ARHGAP6: variants seen among roughly 807,000 people sequenced by gnomAD.
The protein encoded by ARHGAP6 is rho GTPase-activating protein 6.
ARHGAP6 carries 16 observed loss-of-function variants against 55.7 expected under a neutral mutation model. The ratio of observed to expected loss-of-function variants is 0.29; its 90% CI spans 0.19 to 0.44. ARHGAP6 has a LOEUF of 0.44. ARHGAP6 is among the 20% of genes least tolerant of loss of function. The probability of loss-of-function intolerance (pLI) is 1.00; values close to 1 mark genes in which losing one functional copy is unlikely to be tolerated. For missense variants in ARHGAP6, 698 were observed against 808.9 expected (o/e 0.86, Z 1.66); for synonymous variants, 382 against 360.9 (o/e 1.06, Z -0.66).
intron 1 of ARHGAP6, among the ~76,000 whole-genome samples, chrX:11,502,789 T>C (rs1033365829): frequency 8.9e-6 from 1 of 112,567 alleles, no homozygotes; most frequent in African/African-American, 3.2e-5. Flanking sequence ...ACATACAAAA[T>C]ACATGTTAAT....
At chrX:11,605,787 C>T (rs2052029611) in intron 1 of ARHGAP6, among the ~76,000 whole-genome samples, 1 of 109,648 alleles carries the variant, frequency 9.1e-6, no homozygotes, top group African/African-American at 3.3e-5. Flanking sequence ...CATCAGCCCC[C>T]AAAAAAGATG....
At chrX:11,485,213 G>T (rs2050499762) in intron 1 of ARHGAP6, among the ~76,000 whole-genome samples, 1 of 112,409 alleles carries the variant, frequency 8.9e-6, no homozygotes, top group Admixed American at 9.4e-5. Context: ...TCTAATGCAT[G>T]ACCACTGTTC....
At chrX:11,501,493 G>T (rs1007615571) in intron 1 of ARHGAP6, among the ~76,000 whole-genome samples, 6 of 111,542 alleles carry the variant, frequency 5.4e-5, no homozygotes, top group Admixed American at 2.9e-4. Context: ...CAAGCAGGTT[G>T]GAAAACTAAA....
intron 5 of ARHGAP6, among the ~76,000 whole-genome samples, chrX:11,183,498 C>G (rs756115105): frequency 8.9e-6 from 1 of 112,110 alleles, no homozygotes; most frequent in East Asian, 2.8e-4. Context: ...CAAGTAATTT[C>G]ACTATCACAT....
intron 1 of ARHGAP6, among the ~76,000 whole-genome samples, chrX:11,587,883 G>C (rs775117420): frequency 2.7e-5 from 3 of 112,311 alleles, no homozygotes; most frequent in Non-Finnish European, 5.6e-5. Context: ...AAAGCAAAGG[G>C]AGAAGAGTTA....
chrX:11,152,933 T>C (rs1033156548), intron 10 of ARHGAP6, among the ~76,000 whole-genome samples: 1 of 111,908 alleles, frequency 8.9e-6, no homozygotes, highest in African/African-American at 3.3e-5. Context: ...CCAGGCATAG[T>C]TGTTCTTCAG....
chrX:11,594,561 C>G (rs1023312202), intron 1 of ARHGAP6, among the ~76,000 whole-genome samples: 1 of 110,974 alleles, frequency 9.0e-6, no homozygotes, highest in Non-Finnish European at 1.9e-5. Context: ...ACCACCTGAA[C>G]TCTGCCTTCT....
intron 1 of ARHGAP6, among the ~76,000 whole-genome samples, chrX:11,571,464 G>A (rs1232166250): frequency 1.8e-5 from 2 of 110,238 alleles, no homozygotes; most frequent in Non-Finnish European, 3.8e-5. Flanking sequence ...ACTAATCTAG[G>A]TACTGCTACG....
intron 1 of ARHGAP6, among the ~76,000 whole-genome samples, chrX:11,337,834 G>T (rs764479375): frequency 8.9e-6 from 1 of 112,384 alleles, no homozygotes; most frequent in Non-Finnish European, 1.9e-5. Flanking sequence ...GTTTATTTTG[G>T]TTCAAAGTTC....
At chrX:11,499,532 C>T (rs778918589) in intron 1 of ARHGAP6, among the ~76,000 whole-genome samples, 2 of 111,989 alleles carry the variant, frequency 1.8e-5, no homozygotes, top group Non-Finnish European at 3.8e-5. Flanking sequence ...CTCCATTCCC[C>T]TCTGGGGCCT....
chrX:11,434,488 AC>A (rs1210856951), intron 1 of ARHGAP6, among the ~76,000 whole-genome samples: 1 of 110,632 alleles, frequency 9.0e-6, no homozygotes, highest in African/African-American at 3.3e-5. Flanking sequence ...ATCAAAACTG[AC>A]CACTCTGGAG....
At chrX:11,308,956 G>A (rs1289929715) in intron 1 of ARHGAP6, among the ~76,000 whole-genome samples, 3 of 111,969 alleles carry the variant, frequency 2.7e-5, no homozygotes, top group Middle Eastern at 4.6e-3. Context: ...AGCCTGGTTT[G>A]AAGACTCTGA....
chrX:11,147,478 C>T (rs1003696341), intron 10 of ARHGAP6, among the ~76,000 whole-genome samples: 3 of 112,443 alleles, frequency 2.7e-5, no homozygotes, highest in African/African-American at 9.7e-5. Context: ...ATTGTGAGGG[C>T]CTTTCAGAGC....
chrX:11,381,701 C>T (rs1260947690), intron 1 of ARHGAP6, among the ~76,000 whole-genome samples: 1 of 111,974 alleles, frequency 8.9e-6, no homozygotes, highest in Non-Finnish European at 1.9e-5. Flanking sequence ...GTCAGACGTG[C>T]GTTACAGAGG....
chrX:11,643,414 TC>T (rs1206676098), intron 1 of ARHGAP6, among the ~76,000 whole-genome samples: 1 of 112,171 alleles, frequency 8.9e-6, no homozygotes, highest in African/African-American at 3.2e-5. Context: ...AATTAATCAC[TC>T]CCTCTTCTTT....
At chrX:11,524,399 G>C (rs763354618) in intron 1 of ARHGAP6, among the ~76,000 whole-genome samples, 1 of 112,107 alleles carries the variant, frequency 8.9e-6, no homozygotes, top group African/African-American at 3.2e-5. Context: ...TATACTGAAA[G>C]TGACAATCAT....
intron 1 of ARHGAP6, among the ~76,000 whole-genome samples, chrX:11,473,126 G>A (rs1218987622): frequency 9.0e-6 from 1 of 111,154 alleles, no homozygotes; most frequent in Non-Finnish European, 1.9e-5. Flanking sequence ...TGAACATTCT[G>A]TTTCTATGAT....
At chrX:11,533,565 T>C (rs1203711548) in intron 1 of ARHGAP6, among the ~76,000 whole-genome samples, 1 of 112,512 alleles carries the variant, frequency 8.9e-6, no homozygotes, top group Non-Finnish European at 1.9e-5. Context: ...GAATTGATCA[T>C]TTGTAGATTT....
At chrX:11,376,863 C>T (rs762426744) in intron 1 of ARHGAP6, among the ~76,000 whole-genome samples, 12 of 111,158 alleles carry the variant, frequency 1.1e-4, no homozygotes, top group African/African-American at 3.6e-4. Flanking sequence ...ACAAGGGGGG[C>T]CCAGAGAGGT....
Sources: gnomAD v4.1 joint callset for allele counts (sites outside exome capture counted in the v4.1 genomes callset) on GRCh38, gnomAD v4.1.1 for gene constraint, MANE v1.5 for transcripts, NCBI Gene and HGNC (gene_info 2026-07-23, HGNC 2026-07-21) for gene names.